AKAP13: variants seen among roughly 807,000 people sequenced by gnomAD.
The protein encoded by AKAP13 is A-kinase anchor protein 13.
Under a neutral mutation model 264.5 loss-of-function variants are expected in AKAP13, and 80 were observed. That is an observed-to-expected ratio of 0.30 (90% CI 0.25 to 0.36). The LOEUF (loss-of-function observed/expected upper bound fraction) is 0.36, where lower values mean the gene tolerates loss of function less well. Among genes scored for constraint, AKAP13 ranks in the 10% least tolerant of loss-of-function variants. The pLI, the probability that AKAP13 is intolerant of heterozygous loss-of-function variation, is 1.00. For missense variants in AKAP13, 3,712 were observed against 3,435.2 expected (o/e 1.08, Z -2.01); for synonymous variants, 1,380 against 1,250.2 (o/e 1.10, Z -2.19).
At chr15:85,390,475 A>G (rs2070799467) in intron 1 of AKAP13, among the ~76,000 whole-genome samples, 1 of 152,146 alleles carries the variant, frequency 6.6e-6, no homozygotes, top group Non-Finnish European at 1.5e-5. Flanking sequence ...GGTGAGAAAG[A>G]GCGTGAGGAG....
intron 17 of AKAP13, among the ~76,000 whole-genome samples, chr15:85,697,102 C>G (rs527468475): frequency 8.6e-4 from 131 of 152,286 alleles, no homozygotes; most frequent in Non-Finnish European, 1.2e-3. Flanking sequence ...CAGCCTGTAG[C>G]AGATGTAGAA....
At chr15:85,654,930 G>A (rs996365959) in intron 10 of AKAP13, among the ~76,000 whole-genome samples, 3 of 152,110 alleles carry the variant, frequency 2.0e-5, no homozygotes, top group South Asian at 2.1e-4. Flanking sequence ...AGTGGCTCAC[G>A]CCTGTAATCC....
At chr15:85,520,041 A>C (rs555761236) in intron 2 of AKAP13, among the ~76,000 whole-genome samples, 1 of 152,294 alleles carries the variant, frequency 6.6e-6, no homozygotes, top group African/African-American at 2.4e-5. Flanking sequence ...ATTAAATCTC[A>C]GTGCTTTAAA....
chr15:85,458,393 G>GTTTTTTTTTTTTTTTTTTTTTT (rs4037636), intron 1 of AKAP13, among the ~76,000 whole-genome samples: 16 of 120,660 alleles, frequency 1.3e-4, no homozygotes, highest in African/African-American at 4.6e-4. Context: ...TTTGTTTTTT[G>GTTTTTTTTTTTTTTTTTTTTTT]TTTTTTTTTT....
chr15:85,667,635 C>A (rs1172568581), intron 13 of AKAP13, among the ~76,000 whole-genome samples: 1 of 152,204 alleles, frequency 6.6e-6, no homozygotes, highest in Non-Finnish European at 1.5e-5. Context: ...TAGGCCAAGA[C>A]TGACATATCC....
intron 8 of AKAP13, among the ~76,000 whole-genome samples, chr15:85,633,093 C>G (rs1308887133): frequency 6.6e-6 from 1 of 152,022 alleles, no homozygotes; most frequent in Non-Finnish European, 1.5e-5. Flanking sequence ...ATCTCGAACT[C>G]CTAACCTTGT....
chr15:85,472,108 A>G (rs1270599602), intron 1 of AKAP13, among the ~76,000 whole-genome samples: 3 of 152,166 alleles, frequency 2.0e-5, no homozygotes, highest in East Asian at 1.9e-4. Context: ...TGCTGTTACA[A>G]TTATTTGAAA....
chr15:85,736,051 G>T (rs756282900), intron 32 of AKAP13, 39 bp from the exon 33 acceptor site: 12 of 1,486,358 alleles, frequency 8.1e-6, no homozygotes, highest in Non-Finnish European at 1.1e-5. Context: ...TTTGCATCAA[G>T]ATCTTCATTT....
chr15:85,487,549 C>T (rs963669367), intron 2 of AKAP13, among the ~76,000 whole-genome samples: 1 of 152,138 alleles, frequency 6.6e-6, no homozygotes, highest in African/African-American at 2.4e-5. Flanking sequence ...TGATATATTA[C>T]ATTGACTCAA....
At chr15:85,518,553 C>G (rs761378172) in intron 2 of AKAP13, among the ~76,000 whole-genome samples, 4 of 152,126 alleles carry the variant, frequency 2.6e-5, no homozygotes, top group Non-Finnish European at 5.9e-5. Flanking sequence ...AACTACAGAC[C>G]AGGTGCAGTG....
chr15:85,476,605 G>A (rs1288881115), intron 1 of AKAP13, among the ~76,000 whole-genome samples: 1 of 152,154 alleles, frequency 6.6e-6, no homozygotes, highest in African/African-American at 2.4e-5. Flanking sequence ...ATAAAGCTTG[G>A]TAGTTAAGTA....
chr15:85,666,322 T>G (rs1411950250), intron 13 of AKAP13, among the ~76,000 whole-genome samples: 3 of 152,220 alleles, frequency 2.0e-5, no homozygotes, highest in Admixed American at 6.5e-5. Flanking sequence ...CATAAATGTC[T>G]TCTTTTGAGA....
At position 85,707,990 on chromosome 15, in the gene AKAP13, A is replaced by C. The variant is rs201581641; in HGVS notation, c.5465-29A>C. 1.6e-5 allele frequency: 26 copies of C among 1,612,444 alleles called. No individual in the cohort carries two copies. The Admixed American group carries it at 3.8e-4, about 24-fold the overall frequency. On this transcript the variant is annotated intron_variant, in intron 17 of 36. Transcript: ENST00000394518. ...AATCTGGGATCTGTTTGCTTTGTCCATGTGACCTTGGGTTTGCTTTCTTTT... is the reference window on the plus strand; with the variant it reads ...AATCTGGGATCTGTTTGCTTTGTCCCTGTGACCTTGGGTTTGCTTTCTTTT...
chr15:85,715,811 CG>C lies in AKAP13; in HGVS notation c.5625del (p.Ser1876ProfsTer58). ...AGCCTCACAGCCCAAGGAGCGTCCT[CG>C]GTCCGCAGTCCTCCTGGTGGATGAA... ...NKPSQPKERPRSAVLLVDETA... is the reference protein window; with the variant it reads ...NKPSQPKERPXSAVLLVDETA... On this transcript the variant is annotated frameshift_variant, in exon 20 of 37. Transcript: ENST00000394518. LOFTEE classifies it high-confidence loss of function. 1 of 1,612,168 alleles carries C rather than the reference CG, an allele frequency of 6.2e-7. No homozygotes were observed. The highest frequency in any genetic ancestry group is 8.5e-7 in the Non-Finnish European group (1 of 1,179,606).
intron 23 of AKAP13, among the ~76,000 whole-genome samples, chr15:85,720,031 A>G (rs1236443647): frequency 1.3e-5 from 2 of 152,106 alleles, no homozygotes; most frequent in African/African-American, 2.4e-5. Context: ...CCAGGTGTTC[A>G]AGACTAGCCT....
intron 3 of AKAP13, among the ~76,000 whole-genome samples, chr15:85,525,942 G>T (rs1169883767): frequency 6.6e-6 from 1 of 152,170 alleles, no homozygotes; most frequent in Non-Finnish European, 1.5e-5. Flanking sequence ...TTTGTAAAAG[G>T]CTTTGGTGCA....
At chr15:85,617,309 T>C (rs766767240) in intron 8 of AKAP13, among the ~76,000 whole-genome samples, 19 of 152,226 alleles carry the variant, frequency 1.2e-4, no homozygotes, top group Non-Finnish European at 2.1e-4. Flanking sequence ...AGTGGCGCGA[T>C]CTTGGCTCAC....
intron 17 of AKAP13, among the ~76,000 whole-genome samples, chr15:85,694,993 A>G (rs2085489328): frequency 6.6e-6 from 1 of 151,690 alleles, no homozygotes; most frequent in African/African-American, 2.4e-5. Context: ...GGGTCTCACT[A>G]GTTGCCCAGG....
intron 1 of AKAP13, among the ~76,000 whole-genome samples, chr15:85,388,423 C>T (rs2070693861): frequency 6.6e-6 from 1 of 152,090 alleles, no homozygotes; most frequent in African/African-American, 2.4e-5. Flanking sequence ...AGTGGACATC[C>T]TTTCCTTTTT....
Sources: allele counts gnomAD v4.1 joint callset (sites outside exome capture counted in the v4.1 genomes callset), GRCh38; gene constraint gnomAD v4.1.1; transcripts MANE v1.5; gene names NCBI Gene and HGNC (gene_info 2026-07-23, HGNC 2026-07-21).